PSMG2: variants seen among roughly 807,000 people sequenced by gnomAD.
PSMG2 encodes the protein proteasome assembly chaperone 2, also known as CD40 ligand-activated specific transcript 3.
PSMG2 carries 21 observed loss-of-function variants against 31.5 expected under a neutral mutation model. The observed-to-expected ratio is 0.67, with a 90% CI of 0.47 to 0.96. PSMG2 has a LOEUF of 0.96. Among genes scored for constraint, PSMG2 ranks in the 40% least tolerant of loss-of-function variants. The pLI, the probability that PSMG2 is intolerant of heterozygous loss-of-function variation, is 0.00. For synonymous variants in PSMG2, 120 were observed against 110.4 expected (o/e 1.09, Z -0.54); for missense variants, 318 against 321.2 (o/e 0.99, Z 0.08).
chr18:12,707,069 C>T (rs1373563730), intron 2 of PSMG2, among the ~76,000 whole-genome samples: 1 of 152,202 alleles, frequency 6.6e-6, no homozygotes, highest in Non-Finnish European at 1.5e-5. Flanking sequence ...CATTCTCCTA[C>T]CTCAGCCTCC....
At chr18:12,679,414 G>A (rs1461276298) in intron 1 of PSMG2, 1 of 151,904 alleles carries the variant, frequency 6.6e-6, no homozygotes, top group Non-Finnish European at 1.5e-5. Flanking sequence ...TAGCAGGCAG[G>A]AAGCACACTA....
At chr18:12,720,994 T>C (rs1384508787) in intron 5 of PSMG2, among the ~76,000 whole-genome samples, 1 of 152,016 alleles carries the variant, frequency 6.6e-6, no homozygotes, top group Non-Finnish European at 1.5e-5. Context: ...TCCTGGCTAA[T>C]ATGGTAAAAA....
chr18:12,721,359 C>CT (rs1192554492), intron 5 of PSMG2, among the ~76,000 whole-genome samples: 1 of 151,884 alleles, frequency 6.6e-6, no homozygotes, highest in Non-Finnish European at 1.5e-5. Flanking sequence ...TACACGCGCA[C>CT]TTTTTTTTAA....
rs545380946 is a variant in PSMG2 at position 12,708,666 on chromosome 18, G to A, written c.229+1945G>A. ...GGCACAAGCCGCTGCGCCCAGCGGC[G>A]TTTACATGTAATTCATTTAATCTTT... is the stretch of plus-strand genomic sequence containing the variant. On this transcript the variant is annotated intron_variant, in intron 2 of 6. Coordinates refer to ENST00000317615, the MANE Select transcript of PSMG2 (RefSeq NM_020232.5). 2.7e-3 allele frequency among the ~76,000 whole-genome samples: 374 copies of A among 138,496 alleles called. 1 individual carries two copies. Among genetic ancestry groups the A allele is most frequent in the African/African-American group, 9.6e-3 (356 of 37,050 alleles). The allele number at this position is 138,496 out of a possible 152,430, so 90.9% of individuals were successfully genotyped here.
chr18:12,669,032 C>CTTTTTTTTT lies in PSMG2; in HGVS notation c.-37+10277_-37+10285dup, dbSNP rs71174122. 2.1e-4 allele frequency among the ~76,000 whole-genome samples: 9 copies of CTTTTTTTTT among 41,952 alleles called. 3 individuals carry two copies. Among genetic ancestry groups the CTTTTTTTTT allele is most frequent in the African/African-American group, 3.8e-4 (4 of 10,538 alleles). 27.5% of individuals were successfully genotyped at this position (41,952 alleles called of 152,430 possible). The stretch of plus-strand genomic sequence containing the variant: ...GGCTTGAGCTACCGCACCCCCCGCA[C>CTTTTTTTTT]TTTTTTTTTTTTTTTTTTTTTTTTT... On this transcript the variant is annotated intron_variant, in intron 1 of 6. Coordinates refer to the PSMG2 transcript ENST00000585331.
intron 1 of PSMG2, among the ~76,000 whole-genome samples, chr18:12,688,026 G>A (rs1232548689): frequency 6.6e-6 from 1 of 151,714 alleles, no homozygotes; most frequent in Non-Finnish European, 1.5e-5. Context: ...GGTGGATCAC[G>A]AGGTCAGGAG....
chr18:12,699,522 C>A (rs1426921257), upstream of PSMG2, among the ~76,000 whole-genome samples: 1 of 152,154 alleles, frequency 6.6e-6, no homozygotes, highest in Non-Finnish European at 1.5e-5. Flanking sequence ...CAAACCAACT[C>A]ATATAATTAT....
At chr18:12,702,882 C>T (rs1415150049), upstream of PSMG2, 1 of 578,424 alleles carries the variant, frequency 1.7e-6, no homozygotes, top group Non-Finnish European at 3.0e-6. Flanking sequence ...CCTTGCTTGC[C>T]AGGGTCTCCG....
chr18:12,703,372 C>T (rs781385953), intron 1 of PSMG2, among the ~76,000 whole-genome samples: 1 of 152,230 alleles, frequency 6.6e-6, no homozygotes, highest in East Asian at 1.9e-4. Context: ...GTAGTCAAGT[C>T]TACAATTTGT....
At chr18:12,668,225 A>G (rs1432568339) in intron 1 of PSMG2, among the ~76,000 whole-genome samples, 2 of 152,066 alleles carry the variant, frequency 1.3e-5, no homozygotes, top group Non-Finnish European at 2.9e-5. Flanking sequence ...AGATTGCACC[A>G]CTGCACTCCA....
At chr18:12,698,945 C>T (rs938623561), upstream of PSMG2, 1 of 1,388,804 alleles carries the variant, frequency 7.2e-7, no homozygotes, top group South Asian at 1.2e-5. Flanking sequence ...CAAAGATTTA[C>T]TCAATTAAAT....
Position 12,720,698 on chromosome 18 carries a change from C to A in PSMG2, c.581+15C>A. 1 of 1,603,038 alleles carries A rather than the reference C, an allele frequency of 6.2e-7. No individual in the cohort carries two copies. Among genetic ancestry groups the A allele is most frequent in the South Asian group, 1.1e-5 (1 of 89,692 alleles). On this transcript the variant is annotated intron_variant, in intron 5 of 6. Coordinates refer to ENST00000317615, the MANE Select transcript of PSMG2 (RefSeq NM_020232.5). Reference sequence around the variant, plus strand: ...TATGATGAAAGGTGAGTTTGTTTGCCTGTTCATTTGTTTCCCACTTTACTT... The same window carrying A: ...TATGATGAAAGGTGAGTTTGTTTGCATGTTCATTTGTTTCCCACTTTACTT...
chr18:12,674,267 A>G (rs908138119), intron 1 of PSMG2, among the ~76,000 whole-genome samples: 8 of 151,880 alleles, frequency 5.3e-5, no homozygotes, highest in Admixed American at 1.3e-4. Flanking sequence ...GAAGACCCCC[A>G]TCTCTACAAA....
At chr18:12,700,209 T>G (rs1438076463), upstream of PSMG2, 1 of 192,568 alleles carries the variant, frequency 5.2e-6, no homozygotes, top group African/African-American at 2.3e-5. Context: ...GTAAACCTTA[T>G]GTAACAGTTG....
At chr18:12,691,303 AC>A (rs1266984628) in intron 1 of PSMG2, 1 of 1,090,446 alleles carries the variant, frequency 9.2e-7, no homozygotes, top group Non-Finnish European at 1.3e-6. Flanking sequence ...AAATTTACAC[AC>A]ATAACAGTAA....
At chr18:12,691,490 T>C in intron 1 of PSMG2, 1 of 1,577,544 alleles carries the variant, frequency 6.3e-7, no homozygotes, top group Non-Finnish European at 8.6e-7. Context: ...AAAGCAAGCT[T>C]GAAATTGAAA....
At chr18:12,687,809 G>A (rs1214009153) in intron 1 of PSMG2, among the ~76,000 whole-genome samples, 1 of 152,002 alleles carries the variant, frequency 6.6e-6, no homozygotes, top group African/African-American at 2.4e-5. Flanking sequence ...GGGGGATGTA[G>A]AGAACTATGG....
upstream of PSMG2, chr18:12,699,800 A>G (rs1598667475): frequency 8.0e-7 from 1 of 1,257,840 alleles, no homozygotes; most frequent in Middle Eastern, 2.6e-4. Context: ...ACTATTAACC[A>G]CAACTAAATT....
chr18:12,665,965 G>A (rs995518934), intron 1 of PSMG2, among the ~76,000 whole-genome samples: 1 of 152,144 alleles, frequency 6.6e-6, no homozygotes, highest in Admixed American at 6.6e-5. Context: ...AAAGTGCTGG[G>A]ATAACAGTCG....
Sources: allele counts gnomAD v4.1 joint callset (sites outside exome capture counted in the v4.1 genomes callset), GRCh38; gene constraint gnomAD v4.1.1; transcripts MANE v1.5; gene names NCBI Gene and HGNC (gene_info 2026-07-23, HGNC 2026-07-21).